Variants in PLD1 observed in about 807,000 individuals in gnomAD.
PLD1 encodes the protein choline phosphatase 1.
PLD1 carries 112 observed loss-of-function variants against 137.1 expected under a neutral mutation model. That is an observed-to-expected ratio of 0.82 (90% CI 0.70 to 0.96). PLD1 has a LOEUF of 0.96. Ranked by LOEUF, PLD1 falls within the 40% of genes least tolerant of loss-of-function variation. The pLI is 0.00. For synonymous variants in PLD1, 431 were observed against 454.7 expected (o/e 0.95, Z 0.66); for missense variants, 1,321 against 1,342.0 (o/e 0.98, Z 0.24).
At chr3:171,783,003 G>C (rs1484557567) in intron 1 of PLD1, among the ~76,000 whole-genome samples, 1 of 152,128 alleles carries the variant, frequency 6.6e-6, no homozygotes, top group African/African-American at 2.4e-5. Context: ...CAGGGGATGG[G>C]GGACAGATGA....
At chr3:171,758,301 C>T (rs139066970) in intron 1 of PLD1, among the ~76,000 whole-genome samples, 66 of 152,240 alleles carry the variant, frequency 4.3e-4, no homozygotes, top group African/African-American at 1.3e-3. Context: ...GAAAGATGAC[C>T]GCAGGGCCCA....
chr3:171,671,348 A>G (rs1024955315), intron 19 of PLD1, among the ~76,000 whole-genome samples: 1 of 152,194 alleles, frequency 6.6e-6, no homozygotes, highest in African/African-American at 2.4e-5. Flanking sequence ...GTCATGACAC[A>G]GTTCCTATGG....
intron 1 of PLD1, among the ~76,000 whole-genome samples, chr3:171,774,632 C>T (rs1160106917): frequency 1.3e-5 from 2 of 152,194 alleles, no homozygotes; most frequent in African/African-American, 4.8e-5. Context: ...CAAGCACAGG[C>T]CAGTGCTGTA....
chr3:171,708,982 C>T (rs985964097), intron 10 of PLD1, 144 bp from the exon 11 acceptor site: 14 of 592,342 alleles, frequency 2.4e-5, no homozygotes, highest in Non-Finnish European at 4.2e-5. Flanking sequence ...ACCTGGAAAA[C>T]AAGGATTGAA....
At chr3:171,797,041 T>C (rs9872465) in intron 1 of PLD1, among the ~76,000 whole-genome samples, 123,974 of 152,036 alleles carry the variant, frequency 0.82, 50,817 homozygotes, top group Middle Eastern at 0.94. Context: ...ACTTTCCAGC[T>C]CTCTCATTCT....
At chr3:171,740,013 G>A (rs185091968) in intron 1 of PLD1, among the ~76,000 whole-genome samples, 4 of 152,158 alleles carry the variant, frequency 2.6e-5, no homozygotes, top group African/African-American at 9.7e-5. Flanking sequence ...GTTACCACAG[G>A]ATGAAGCCAT....
Position 171,771,691 on chromosome 3 carries a change from T to G in PLD1, c.-31-33609A>C, listed in dbSNP as rs574272426. 6.6e-5 allele frequency among the ~76,000 whole-genome samples: 10 copies of G among 152,354 alleles called. No homozygotes were observed. The South Asian group carries it at 2.1e-3, about 32-fold the overall frequency. The stretch of plus-strand genomic sequence containing the variant: ...AATGACTTTTATATTGTTCAAGTTG[T>G]GTGGCAGTTATGGAACAGATAGCAC... On this transcript the variant is annotated intron_variant, in intron 1 of 26. Coordinates refer to ENST00000351298, the MANE Select transcript of PLD1 (RefSeq NM_002662.5).
intron 1 of PLD1, among the ~76,000 whole-genome samples, chr3:171,756,526 G>C (rs184406623): frequency 7.4e-4 from 112 of 152,304 alleles, no homozygotes; most frequent in African/African-American, 2.5e-3. Context: ...AGCTAAACTG[G>C]ATGTGTGTCG....
At chr3:171,718,980 G>T (rs564867252) in intron 8 of PLD1, among the ~76,000 whole-genome samples, 1 of 152,196 alleles carries the variant, frequency 6.6e-6, no homozygotes, top group East Asian at 1.9e-4. Flanking sequence ...ACTTGCCATG[G>T]CATTCAAATG....
intron 12 of PLD1, 98 bp from the exon 13 acceptor site, chr3:171,692,540 T>C (rs1715292620): frequency 1.5e-6 from 1 of 676,676 alleles, no homozygotes; most frequent in South Asian, 1.8e-5. Flanking sequence ...TTCTTTTTTT[T>C]TTCAGAGTCT....
In PLD1 at chr3:171,676,787, A is replaced by G; in HGVS notation, c.2043T>C (p.Ile681=). 1.2e-6 allele frequency: 2 copies of G among 1,614,208 alleles called. No homozygotes were observed. The highest frequency in any genetic ancestry group is 8.5e-7 in the Non-Finnish European group (1 of 1,180,028). The change falls in exon 18 of 27, where the codon ATT becomes ATC. Residue 681 remains isoleucine, a synonymous_variant. Transcript: ENST00000351298. ...YSTPRMPWHD[I]ASAVHGKAAR... ...CCGCCTTCCCGTGGACTGCAGAGGC[A>G]ATGTCATGCCAGGGCATCCGGGGCG...
chr3:171,749,432 G>A (rs1283229118), intron 1 of PLD1, among the ~76,000 whole-genome samples: 1 of 152,124 alleles, frequency 6.6e-6, no homozygotes, highest in Non-Finnish European at 1.5e-5. Flanking sequence ...AGCATCCCTG[G>A]GAAGAAACTA....
At chr3:171,704,998 C>T (rs763091891) in intron 11 of PLD1, among the ~76,000 whole-genome samples, 2 of 152,174 alleles carry the variant, frequency 1.3e-5, no homozygotes, top group Admixed American at 6.5e-5. Flanking sequence ...CACGGCTGAT[C>T]TGACAGGAGG....
chr3:171,699,175 A>G (rs1716029661), intron 12 of PLD1, among the ~76,000 whole-genome samples: 2 of 152,204 alleles, frequency 1.3e-5, no homozygotes, highest in African/African-American at 4.8e-5. Flanking sequence ...TCAGTTATTT[A>G]CTTTTTATAC....
chr3:171,656,676 T>C (rs1379902902), intron 21 of PLD1, among the ~76,000 whole-genome samples: 1 of 152,202 alleles, frequency 6.6e-6, no homozygotes, highest in Non-Finnish European at 1.5e-5. Context: ...AGTGGTGATT[T>C]TGATGTGTAG....
chr3:171,653,129 C>G (rs1020280053), intron 21 of PLD1: 6 of 152,142 alleles, frequency 3.9e-5, no homozygotes, highest in Non-Finnish European at 7.3e-5. Context: ...TAGGCCTCAG[C>G]TGCCTCATCT....
At chr3:171,759,241 A>G (rs1178623598) in intron 1 of PLD1, among the ~76,000 whole-genome samples, 1 of 152,160 alleles carries the variant, frequency 6.6e-6, no homozygotes, top group Non-Finnish European at 1.5e-5. Context: ...TTTTTGGCTG[A>G]GAGGTGCAGG....
intron 8 of PLD1, among the ~76,000 whole-genome samples, chr3:171,722,343 G>A (rs1269995534): frequency 6.6e-6 from 1 of 152,112 alleles, no homozygotes; most frequent in African/African-American, 2.4e-5. Flanking sequence ...TTTTACTTAA[G>A]TTTTTGTTAA....
chr3:171,662,985 A>G (rs979548347), intron 19 of PLD1, among the ~76,000 whole-genome samples: 1 of 152,102 alleles, frequency 6.6e-6, no homozygotes, highest in Non-Finnish European at 1.5e-5. Context: ...ACTTCATCAC[A>G]TGTGTGTGGC....
Sources: allele counts gnomAD v4.1 joint callset (sites outside exome capture counted in the v4.1 genomes callset), GRCh38; gene constraint gnomAD v4.1.1; transcripts MANE v1.5; gene names NCBI Gene and HGNC (gene_info 2026-07-23, HGNC 2026-07-21).